Variants in OTOG observed in about 807,000 individuals in gnomAD.
OTOG encodes otogelin.
OTOG carries 296 observed loss-of-function variants against 313.8 expected under a neutral mutation model. The ratio of observed to expected loss-of-function variants is 0.94; its 90% confidence interval spans 0.86 to 1.04. OTOG has a LOEUF of 1.04. OTOG is among the 50% of genes least tolerant of loss of function. The probability of loss-of-function intolerance (pLI) is 0.00; values close to 1 mark genes in which losing one functional copy is unlikely to be tolerated. For missense variants in OTOG, 3,948 were observed against 3,840.1 expected (o/e 1.03, Z -0.74); for synonymous variants, 1,533 against 1,554.9 (o/e 0.99, Z 0.33).
At chr11:17,591,400 G>A in intron 24 of OTOG, 50 bp from the exon 25 acceptor site, 1 of 1,546,830 alleles carries the variant, frequency 6.5e-7, no homozygotes, top group Non-Finnish European at 8.7e-7. Context: ...TGAGTATTCA[G>A]GTATGGGGTG....
In OTOG at chr11:17,586,520, T is replaced by G; in HGVS notation, c.2806T>G (p.Cys936Gly). ...DACFLPEECP[C>G]TWKGKEYFPG... ...ATGTTTCCTGCCAGAGGAGTGCCCC[T>G]GCACTTGGAAGGGGAAGGAGTATTT... Residue 936 changes from cysteine to glycine, a missense_variant, in exon 24 of 56, where the codon TGC (cysteine) becomes GGC (glycine). Coordinates refer to ENST00000399397, the MANE Select transcript of OTOG (RefSeq NM_001292063.2). 1.4e-6 allele frequency: 2 copies of G among 1,455,980 alleles called. No homozygotes were observed. The highest frequency in any genetic ancestry group is 9.1e-7 in the Non-Finnish European group (1 of 1,099,576). The allele number at this position is 1,455,980 out of a possible 1,614,324, so 90.2% of individuals were successfully genotyped here.
chr11:17,609,584 A>G, intron 35 of OTOG, 71 bp from the exon 36 acceptor site: 1 of 1,338,098 alleles, frequency 7.5e-7, no homozygotes, highest in Non-Finnish European at 1.0e-6. Context: ...CTCACACCAC[A>G]GCCCTGCCCA....
Position 17,574,765 on chromosome 11 carries a change from C to T in OTOG, c.2339C>T (p.Pro780Leu), listed in dbSNP as rs767477355. The change falls in exon 20 of 56, where the codon CCG becomes CTG. Residue 780 changes from proline to leucine, a missense_variant. Transcript: ENST00000399397. The part of the protein sequence containing the change: ...ASKEYSPCVA[P>L]CGRTCQDLAS... ...AAGGAGTATAGCCCCTGCGTGGCCC[C>T]GTGTGGACGTACCTGCCAGGACCTG... The T allele has an allele frequency of 1.0e-5, 16 of 1,550,630 alleles. No individual in the cohort carries two copies. Among genetic ancestry groups the T allele is most frequent in the South Asian group, 5.9e-5 (5 of 84,052 alleles).
At chr11:17,641,239 C>A in intron 51 of OTOG, 148 bp downstream of exon 51, 2 of 918,978 alleles carry the variant, frequency 2.2e-6, no homozygotes, top group Non-Finnish European at 3.2e-6. Context: ...GTAGAAAGTG[C>A]CAAGAAAGGG....
At chr11:17,634,991 C>T in intron 45 of OTOG, 43 bp downstream of exon 45, 2 of 1,529,990 alleles carry the variant, frequency 1.3e-6, no homozygotes, top group Non-Finnish European at 1.8e-6. Flanking sequence ...GGACTGAGGG[C>T]AGTGGGGGGA....
chr11:17,589,619 T>C (rs979918879), intron 24 of OTOG, among the ~76,000 whole-genome samples: 1 of 152,184 alleles, frequency 6.6e-6, no homozygotes, highest in African/African-American at 2.4e-5. Flanking sequence ...AAATATATCG[T>C]TTGAAAAACT....
rs1196980621 is a variant in OTOG at position 17,613,208 on chromosome 11, T to TTTCTTTCA, written c.6439-397_6439-396insATTCTTTC. 4.5e-5 allele frequency among the ~76,000 whole-genome samples: 5 copies of TTTCTTTCA among 110,924 alleles called. No individual in the cohort carries two copies. In the East Asian group the frequency reaches 1.1e-3, roughly 24 times the overall value. 72.8% of individuals were successfully genotyped at this position (110,924 alleles called of 152,430 possible). ...TTTCTTTCTTTCTTTTCTTTCTTTC[T>TTTCTTTCA]TTCTTTCTTTCTTTCTTTCTTTCTT... On this transcript the variant is annotated intron_variant, in intron 38 of 55. Coordinates refer to ENST00000399397, the MANE Select transcript of OTOG (RefSeq NM_001292063.2).
At chr11:17,623,777 G>A (rs763109270) in intron 39 of OTOG, among the ~76,000 whole-genome samples, 102 of 152,132 alleles carry the variant, frequency 6.7e-4, no homozygotes, top group Non-Finnish European at 1.1e-3. Context: ...ATGTGTAAGT[G>A]TTCCTTTTTC....
chr11:17,582,886 T>C (rs1165646809), intron 23 of OTOG, among the ~76,000 whole-genome samples: 1 of 152,140 alleles, frequency 6.6e-6, no homozygotes, highest in African/African-American at 2.4e-5. Context: ...ATTGCAAATA[T>C]TTTCTCCCAA....
Position 17,572,968 on chromosome 11 carries a change from C to A in OTOG, c.2081-110C>A, listed in dbSNP as rs767063999. 28 of 1,018,708 alleles carry A rather than the reference C, an allele frequency of 2.7e-5. No individual in the cohort carries two copies. The Admixed American group carries it at 6.7e-4, about 24-fold the overall frequency. 63.1% of individuals were successfully genotyped at this position (1,018,708 alleles called of 1,614,324 possible). A position where few individuals can be genotyped will look rare whatever the true frequency, so the allele number is the denominator to read the frequency against. Reference sequence around the variant, plus strand: ...GAAGTAGCTGCCTACATCCGTACAGCGTGTGCACACACACACACCCCTGAG... The same window carrying A: ...GAAGTAGCTGCCTACATCCGTACAGAGTGTGCACACACACACACCCCTGAG... On this transcript the variant is annotated intron_variant, in intron 18 of 55. Transcript: ENST00000399397.
chr11:17,609,750 C>T lies in OTOG; in HGVS notation c.4450C>T (p.Gln1484Ter). 1 of 1,548,850 alleles carries T rather than the reference C, an allele frequency of 6.5e-7. No homozygotes were observed. ...GLPTPSDEEPQLSQESPRTPT... is the reference protein window; with the variant it reads ...GLPTPSDEEP ...GCCCACTCCCAGTGATGAGGAGCCACAGCTGTCACAGGAAAGCCCCAGGAC... is the reference window on the plus strand; with the variant it reads ...GCCCACTCCCAGTGATGAGGAGCCATAGCTGTCACAGGAAAGCCCCAGGAC... Residue 1484 changes from glutamine to a stop codon, truncating the protein, a stop_gained, in exon 36 of 56, where the codon CAG becomes TAG. Coordinates refer to ENST00000399397, the MANE Select transcript of OTOG (RefSeq NM_001292063.2). LOFTEE classifies it high-confidence loss of function.
In OTOG at chr11:17,561,737, A is replaced by G. The variant is rs1414091723; in HGVS notation, c.1574A>G (p.Gln525Arg). Reference sequence around the variant, plus strand: ...CGGTACACGTTCCCCGCCACATGTCAGTACATCCTGGCCAAGAGCCGCTCT... The same window carrying G: ...CGGTACACGTTCCCCGCCACATGTCGGTACATCCTGGCCAAGAGCCGCTCT... ...GRRYTFPATCQYILAKSRSSG... is the reference protein window; with the variant it reads ...GRRYTFPATCRYILAKSRSSG... The change falls in exon 15 of 56, where the codon CAG becomes CGG. Residue 525 changes from glutamine to arginine, a missense_variant. Coordinates refer to ENST00000399397, the MANE Select transcript of OTOG (RefSeq NM_001292063.2). 1.3e-6 allele frequency: 2 copies of G among 1,550,404 alleles called. No individual in the cohort carries two copies. The highest frequency in any genetic ancestry group is 1.2e-5 in the South Asian group (1 of 84,046).
rs950735440 is a variant in OTOG at position 17,634,175 on chromosome 11, G to C, written c.7374G>C (p.Pro2458=). The C allele has an allele frequency of 2.6e-6, 4 of 1,550,250 alleles. No homozygotes were observed. In the Middle Eastern group the frequency reaches 6.8e-4, roughly 264 times the overall value. Residue 2458 remains proline (P), a synonymous_variant, in exon 44 of 56, where the codon CCG becomes CCC. Coordinates refer to ENST00000399397, the MANE Select transcript of OTOG (RefSeq NM_001292063.2). ...HQCQAPDTIV[P]VDLGCPSPRP... ...GCCAAGCCCCAGACACCATTGTCCC[G>C]GTGGATCTGGGCTGCCCCAGTCCCC...
chr11:17,629,032 G>GTGGA (rs1854050380), intron 39 of OTOG, 101 bp from the exon 40 acceptor site: 9 of 1,193,718 alleles, frequency 7.5e-6, no homozygotes, highest in South Asian at 4.5e-5. Context: ...CAGATGATGG[G>GTGGA]TGGATGGATG....
At chr11:17,569,644 C>G (rs1261058564) in intron 16 of OTOG, among the ~76,000 whole-genome samples, 1 of 151,952 alleles carries the variant, frequency 6.6e-6, no homozygotes, top group Non-Finnish European at 1.5e-5. Context: ...ACAAAAATGG[C>G]AAAACGATTA....
intron 22 of OTOG, among the ~76,000 whole-genome samples, chr11:17,577,808 A>G (rs1852566209): frequency 6.6e-6 from 1 of 152,216 alleles, no homozygotes; most frequent in African/African-American, 2.4e-5. Flanking sequence ...TTCCTAAAAA[A>G]GATCACTCAC....
In OTOG at chr11:17,569,173, T is replaced by C; in HGVS notation, c.1662T>C (p.Cys554=). Residue 554 remains cysteine (C), a synonymous_variant, in exon 16 of 56, where the codon TGT becomes TGC. Transcript: ENST00000399397. ...APCGLNQDGA[C]VQSVSVILHQ... ...CTCTCCAGAACCAAGATGGAGCCTG[T>C]GTCCAGTCAGTGTCAGTGATTCTGC... 6.4e-7 allele frequency: 1 copy of C among 1,550,650 alleles called. No homozygotes were observed. The highest frequency in any genetic ancestry group is 8.7e-7 in the Non-Finnish European group (1 of 1,147,018).
rs751844377 is a variant in OTOG, at chr11:17,547,495, G to A, written c.94+29G>A. 17 of 1,327,854 alleles carry A rather than the reference G, an allele frequency of 1.3e-5. No individual in the cohort carries two copies. Among genetic ancestry groups the A allele is most frequent in the East Asian group, 3.0e-5 (1 of 32,806 alleles). 82.3% of individuals were successfully genotyped at this position (1,327,854 alleles called of 1,614,324 possible). A position where few individuals can be genotyped will look rare whatever the true frequency, so the allele number is the denominator to read the frequency against. ...AGAGGGTTGTGGACTCAGGGAGGTC[G>A]GGGGCTCGAGGAATGAGAAACGTTA... On this transcript the variant is annotated intron_variant, in intron 1 of 55. Coordinates refer to ENST00000399397, the MANE Select transcript of OTOG (RefSeq NM_001292063.2).
chr11:17,640,850 A>G (rs938669952), intron 50 of OTOG, 30 bp downstream of exon 50: 1 of 1,550,152 alleles, frequency 6.5e-7, no homozygotes, highest in Middle Eastern at 1.7e-4. Context: ...GGGCAGAGCC[A>G]TGCAGGAGGG....
Sources: gnomAD v4.1 joint callset for allele counts (sites outside exome capture counted in the v4.1 genomes callset) on GRCh38, gnomAD v4.1.1 for gene constraint, MANE v1.5 for transcripts, NCBI Gene and HGNC (gene_info 2026-07-23, HGNC 2026-07-21) for gene names.